Variants in PGCKA1 observed in about 807,000 individuals in gnomAD.
The protein encoded by PGCKA1 is PDCD10 and GCKIII kinases associated 1, also known as PDCD10 and GCKIII kinases-associated protein 1.
chr4:37,485,686 G>A, the PGCKA1 span, among the ~76,000 whole-genome samples: 2 of 151,790 alleles, frequency 1.3e-5, no homozygotes. Flanking sequence ...ACTGCTTTTT[G>A]GAACCTGAAT....
chr4:37,456,442 T>C, the PGCKA1 span, among the ~76,000 whole-genome samples: 2 of 152,218 alleles, frequency 1.3e-5, no homozygotes, highest in Admixed American at 6.5e-5. Context: ...AGCCAATGAA[T>C]ACGTGTCCTG....
chr4:37,556,489 G>A, the PGCKA1 span, among the ~76,000 whole-genome samples: 1 of 152,020 alleles, frequency 6.6e-6, no homozygotes, highest in African/African-American at 2.4e-5. Context: ...GGCTGGTCTC[G>A]AACTCCTGAC....
At chr4:37,464,705 C>T in the PGCKA1 span, among the ~76,000 whole-genome samples, 4 of 152,216 alleles carry the variant, frequency 2.6e-5, no homozygotes, top group African/African-American at 9.6e-5. Flanking sequence ...CTTGGGATTT[C>T]CCCTGAATTT....
the PGCKA1 span, among the ~76,000 whole-genome samples, chr4:37,514,241 C>G: frequency 6.6e-6 from 1 of 152,118 alleles, no homozygotes; most frequent in Non-Finnish European, 1.5e-5. Context: ...TATAACAGCA[C>G]CAATCCTACC....
chr4:37,528,083 T>A, the PGCKA1 span, among the ~76,000 whole-genome samples: 2 of 152,182 alleles, frequency 1.3e-5, no homozygotes, highest in African/African-American at 2.4e-5. Flanking sequence ...CATTTCAAAA[T>A]TTTTTAAATT....
chr4:37,578,846 C>T, the PGCKA1 span, among the ~76,000 whole-genome samples: 19 of 152,084 alleles, frequency 1.2e-4, no homozygotes, highest in Non-Finnish European at 2.6e-4. Flanking sequence ...CACCTGAAGT[C>T]AGGAGTTTGA....
At chr4:37,529,339 A>C in the PGCKA1 span, among the ~76,000 whole-genome samples, 1 of 152,194 alleles carries the variant, frequency 6.6e-6, no homozygotes, top group Non-Finnish European at 1.5e-5. Context: ...TCTAGCTTTA[A>C]GACTCGTATG....
At chr4:37,522,235 C>T in the PGCKA1 span, among the ~76,000 whole-genome samples, 6 of 152,152 alleles carry the variant, frequency 3.9e-5, no homozygotes, top group African/African-American at 1.4e-4. Flanking sequence ...GGTCAAAAGC[C>T]TTAGATATCT....
chr4:37,486,784 TACACATGCAC>T, the PGCKA1 span, among the ~76,000 whole-genome samples: 2 of 152,160 alleles, frequency 1.3e-5, no homozygotes. Flanking sequence ...CCCCAAAACA[TACACATGCAC>T]ACACATGCAC....
the PGCKA1 span, among the ~76,000 whole-genome samples, chr4:37,509,384 T>C: frequency 0.43 from 48,034 of 112,408 alleles, 11,522 homozygotes; most frequent in African/African-American, 0.52. Context: ...GGCAGAGGCG[T>C]TCCTCACATC....
At chr4:37,511,548 C>T in the PGCKA1 span, among the ~76,000 whole-genome samples, 1 of 151,186 alleles carries the variant, frequency 6.6e-6, no homozygotes, top group Non-Finnish European at 1.5e-5. Flanking sequence ...AGTACGCTAT[C>T]ATACTGTGGC....
the PGCKA1 span, among the ~76,000 whole-genome samples, chr4:37,555,574 G>T: frequency 3.9e-5 from 6 of 152,130 alleles, no homozygotes; most frequent in African/African-American, 1.2e-4. Flanking sequence ...TGCAAAATAT[G>T]GGTCTGGTGC....
the PGCKA1 span, among the ~76,000 whole-genome samples, chr4:37,459,591 A>C: frequency 2.0e-5 from 3 of 152,172 alleles, no homozygotes; most frequent in Non-Finnish European, 4.4e-5. Flanking sequence ...AGTGAGGTCC[A>C]TGGACCAGCA....
the PGCKA1 span, among the ~76,000 whole-genome samples, chr4:37,551,490 T>C: frequency 6.5e-3 from 995 of 152,304 alleles, 13 homozygotes; most frequent in African/African-American, 0.023. Flanking sequence ...TTGACTATTC[T>C]GGCCCGGCAA....
chr4:37,561,570 A>G, the PGCKA1 span, among the ~76,000 whole-genome samples: 1 of 152,336 alleles, frequency 6.6e-6, no homozygotes, highest in African/African-American at 2.4e-5. Context: ...GAAAGGGGGG[A>G]CAATACACCA....
chr4:37,557,104 A>G, the PGCKA1 span, among the ~76,000 whole-genome samples: 30 of 152,366 alleles, frequency 2.0e-4, no homozygotes, highest in East Asian at 5.0e-3. Flanking sequence ...GTCCATGTGT[A>G]GTAAATTATT....
the PGCKA1 span, among the ~76,000 whole-genome samples, chr4:37,525,805 A>C: frequency 6.6e-6 from 1 of 152,138 alleles, no homozygotes; most frequent in Non-Finnish European, 1.5e-5. Context: ...CTTGAATCTC[A>C]TAAGTAGTGT....
chr4:37,517,930 C>T, the PGCKA1 span, among the ~76,000 whole-genome samples: 15 of 152,264 alleles, frequency 9.9e-5, no homozygotes, highest in African/African-American at 3.4e-4. Context: ...CCTTCCCAGC[C>T]CCTGATAACC....
chr4:37,535,510 G>C, the PGCKA1 span, among the ~76,000 whole-genome samples: 1 of 152,216 alleles, frequency 6.6e-6, no homozygotes, highest in African/African-American at 2.4e-5. Context: ...GGAGCAGGAA[G>C]TGGGAAAGGG....
Sources: gnomAD v4.1 joint callset for allele counts (sites outside exome capture counted in the v4.1 genomes callset) on GRCh38, gnomAD v4.1.1 for gene constraint, MANE v1.5 for transcripts, NCBI Gene and HGNC (gene_info 2026-07-23, HGNC 2026-07-21) for gene names.